Variants in NKAIN2 observed in about 807,000 individuals in gnomAD.
The protein encoded by NKAIN2 is sodium/potassium transporting ATPase interacting 2.
In NKAIN2, 14 loss-of-function variants were observed where a neutral mutation model predicts 32.6. The ratio of observed to expected loss-of-function variants is 0.43; its 90% CI spans 0.28 to 0.67. NKAIN2 has a LOEUF of 0.67. NKAIN2 is among the 30% of genes least tolerant of loss of function. NKAIN2 has a pLI of 0.17. For missense variants in NKAIN2, 198 were observed against 258.3 expected (o/e 0.77, Z 1.60); for synonymous variants, 80 against 87.2 (o/e 0.92, Z 0.46).
intron 1 of NKAIN2, among the ~76,000 whole-genome samples, chr6:124,081,421 A>T (rs1356010160): frequency 6.6e-6 from 1 of 152,134 alleles, no homozygotes; most frequent in Non-Finnish European, 1.5e-5. Flanking sequence ...GGTTTTACAT[A>T]AAATTTGCAT....
At chr6:123,816,335 T>A (rs2114875986) in intron 1 of NKAIN2, among the ~76,000 whole-genome samples, 1 of 152,214 alleles carries the variant, frequency 6.6e-6, no homozygotes, top group South Asian at 2.1e-4. Context: ...ATGTTAATCA[T>A]CAAGGCGTAT....
At chr6:123,807,397 A>G (rs1177757777) in intron 1 of NKAIN2, among the ~76,000 whole-genome samples, 11 of 152,134 alleles carry the variant, frequency 7.2e-5, no homozygotes, top group Non-Finnish European at 1.2e-4. Context: ...CATAATCTCA[A>G]GAAGGTAATT....
chr6:124,436,932 A>C (rs332617), intron 3 of NKAIN2, among the ~76,000 whole-genome samples: 46,191 of 151,858 alleles, frequency 0.3, 7,639 homozygotes, highest in African/African-American at 0.43. Context: ...CATCACCTTT[A>C]TCACCTCTCT....
At chr6:124,404,103 A>C (rs917106767) in intron 3 of NKAIN2, among the ~76,000 whole-genome samples, 2 of 152,132 alleles carry the variant, frequency 1.3e-5, no homozygotes, top group African/African-American at 4.8e-5. Flanking sequence ...ATTGTGTAGA[A>C]ATAAGCTGAG....
At chr6:124,092,505 A>T (rs763038379) in intron 1 of NKAIN2, among the ~76,000 whole-genome samples, 4 of 151,940 alleles carry the variant, frequency 2.6e-5, no homozygotes, top group Non-Finnish European at 5.9e-5. Flanking sequence ...TTTTTTCTGT[A>T]ATTCTTTCCT....
intron 3 of NKAIN2, among the ~76,000 whole-genome samples, chr6:124,456,983 G>A (rs1290638422): frequency 6.6e-6 from 1 of 151,756 alleles, no homozygotes; most frequent in African/African-American, 2.4e-5. Context: ...TATATTTAAA[G>A]CGTTTAGAAA....
chr6:124,203,012 A>G (rs1166990973), intron 1 of NKAIN2, among the ~76,000 whole-genome samples: 2 of 151,930 alleles, frequency 1.3e-5, no homozygotes, highest in East Asian at 3.9e-4. Context: ...TTTGTCATGT[A>G]GTATAGCTCT....
chr6:123,928,500 T>A (rs750784570), intron 1 of NKAIN2, among the ~76,000 whole-genome samples: 26 of 152,200 alleles, frequency 1.7e-4, no homozygotes, highest in Non-Finnish European at 2.8e-4. Flanking sequence ...TTTACATTTA[T>A]TTGGTTATTT....
At chr6:124,548,668 A>C in intron 3 of NKAIN2, among the ~76,000 whole-genome samples, 1 of 152,358 alleles carries the variant, frequency 6.6e-6, no homozygotes, top group Non-Finnish European at 1.5e-5. Context: ...GAGATTACAG[A>C]GAAAAGAAGA....
intron 6 of NKAIN2, among the ~76,000 whole-genome samples, chr6:124,820,867 CT>C (rs1781363960): frequency 6.6e-6 from 1 of 152,142 alleles, no homozygotes; most frequent in African/African-American, 2.4e-5. Flanking sequence ...CAGTTTCATC[CT>C]GAAACCATTC....
Position 123,860,912 on chromosome 6 carries a change from A to T in NKAIN2, c.54+56658A>T, listed in dbSNP as rs187132172. ...TACCAGAAATATCAACTCCATTTTCAGAATGCCCGCAGTATGCCAGTTGTG... is the reference window on the plus strand; with the variant it reads ...TACCAGAAATATCAACTCCATTTTCTGAATGCCCGCAGTATGCCAGTTGTG... On this transcript the variant is annotated intron_variant, in intron 1 of 6. Transcript: ENST00000368417. Among the ~76,000 whole-genome samples the T allele has an allele frequency of 9.7e-4, 148 of 152,282 alleles. 1 individual carries two copies. The highest frequency in any genetic ancestry group is 3.4e-3 in the African/African-American group (141 of 41,560).
chr6:124,149,730 C>A (rs1372330455), intron 1 of NKAIN2, among the ~76,000 whole-genome samples: 1 of 152,058 alleles, frequency 6.6e-6, no homozygotes, highest in Non-Finnish European at 1.5e-5. Flanking sequence ...AATGTACATA[C>A]CCCGATTTTG....
chr6:123,821,702 G>A (rs922180822), intron 1 of NKAIN2, among the ~76,000 whole-genome samples: 14 of 152,118 alleles, frequency 9.2e-5, no homozygotes, highest in Non-Finnish European at 1.9e-4. Flanking sequence ...CGGGGGGCCC[G>A]AGGGCTGGAG....
chr6:124,541,385 G>A (rs1208706179), intron 3 of NKAIN2, among the ~76,000 whole-genome samples: 3 of 152,104 alleles, frequency 2.0e-5, no homozygotes, highest in Non-Finnish European at 4.4e-5. Context: ...CAACAAAAAG[G>A]ATAATAGCAC....
chr6:124,319,963 TA>T (rs536661254), intron 2 of NKAIN2, among the ~76,000 whole-genome samples: 1 of 152,184 alleles, frequency 6.6e-6, no homozygotes, highest in Admixed American at 6.6e-5. Flanking sequence ...AAAATGGGTT[TA>T]AAAAAATACG....
At chr6:124,062,949 A>G (rs1031562963) in intron 1 of NKAIN2, among the ~76,000 whole-genome samples, 4 of 152,024 alleles carry the variant, frequency 2.6e-5, no homozygotes, top group Admixed American at 2.6e-4. Flanking sequence ...AATCCCAGCA[A>G]TTTGGTAGGC....
At chr6:124,151,689 T>A (rs972030862) in intron 1 of NKAIN2, among the ~76,000 whole-genome samples, 2 of 152,026 alleles carry the variant, frequency 1.3e-5, no homozygotes, top group Non-Finnish European at 2.9e-5. Context: ...ATTTTAGCAA[T>A]CTAACTAGTA....
At position 124,143,452 on chromosome 6, in the gene NKAIN2, A is replaced by G. The variant is rs1187701116; in HGVS notation, c.55-139553A>G. Among the ~76,000 whole-genome samples the G allele has an allele frequency of 4.6e-5, 7 of 152,076 alleles. No individual in the cohort carries two copies. In the East Asian group the frequency reaches 9.6e-4, roughly 21 times the overall value. Reference sequence around the variant, plus strand: ...TCCACCCTGGGTGGCAGAGTGAGAGAGACCTTGTCTCTAAAAAAGAAGAAA... The same window carrying G: ...TCCACCCTGGGTGGCAGAGTGAGAGGGACCTTGTCTCTAAAAAAGAAGAAA... On this transcript the variant is annotated intron_variant, in intron 1 of 6. Coordinates refer to ENST00000368417, the MANE Select transcript of NKAIN2 (RefSeq NM_001040214.3).
At chr6:124,557,504 A>G (rs1780520095) in intron 3 of NKAIN2, among the ~76,000 whole-genome samples, 1 of 152,216 alleles carries the variant, frequency 6.6e-6, no homozygotes, top group Non-Finnish European at 1.5e-5. Flanking sequence ...CAAAACAAAA[A>G]AAGTCCCTAA....
Sources: allele counts gnomAD v4.1 joint callset (sites outside exome capture counted in the v4.1 genomes callset), GRCh38; gene constraint gnomAD v4.1.1; transcripts MANE v1.5; gene names NCBI Gene and HGNC (gene_info 2026-07-23, HGNC 2026-07-21).